Variants in BAIAP2L2 observed in about 807,000 individuals in gnomAD.
BAIAP2L2 encodes the protein BAR/IMD domain-containing adapter protein 2-like 2.
A neutral mutation model predicts 60.4 loss-of-function variants in BAIAP2L2; 65 were observed. That is an observed-to-expected ratio of 1.08 (90% CI 0.88 to 1.32). The LOEUF is 1.32. Ranked by LOEUF, BAIAP2L2 falls within the 40% of genes most tolerant of loss-of-function variation. The pLI is 0.00. For missense variants in BAIAP2L2, 836 were observed against 741.2 expected (o/e 1.13, Z -1.48); for synonymous variants, 344 against 301.7 (o/e 1.14, Z -1.45).
chr22:38,089,873 CG>C (rs1449411388), intron 7 of BAIAP2L2, among the ~76,000 whole-genome samples, 199 bp from the exon 8 acceptor site: 1 of 152,072 alleles, frequency 6.6e-6, no homozygotes, highest in African/African-American at 2.4e-5. Flanking sequence ...CCATTTTCCA[CG>C]AAGAGCTTCC....
chr22:38,107,781 T>G lies in BAIAP2L2; in HGVS notation c.276+71A>C. The stretch of plus-strand genomic sequence containing the variant: ...TCCCTGGGAAGGGCATCTGGTAGGC[T>G]GGGCCCTCTCCTTGGAACATAGCCC... On this transcript the variant is annotated intron_variant, in intron 4 of 13. Transcript: ENST00000381669. 2.1e-6 allele frequency: 3 copies of G among 1,441,648 alleles called. No homozygotes were observed. In the South Asian group the frequency reaches 3.4e-5, roughly 17 times the overall value. 89.3% of individuals were successfully genotyped at this position (1,441,648 alleles called of 1,614,324 possible).
chr22:38,088,991 G>T (rs1217212732), intron 9 of BAIAP2L2, 27 bp from the exon 10 acceptor site: 7 of 1,480,362 alleles, frequency 4.7e-6, no homozygotes, highest in Non-Finnish European at 6.3e-6. Context: ...GCGGCGGCAC[G>T]TGGGCAGGAA....
chr22:38,092,609 A>T (rs132932), intron 7 of BAIAP2L2, among the ~76,000 whole-genome samples: 60,181 of 151,946 alleles, frequency 0.4, 13,505 homozygotes, highest in South Asian at 0.57. Flanking sequence ...ATAGAACAAG[A>T]AGTAAATATA....
intron 11 of BAIAP2L2, 80 bp from the exon 12 acceptor site, chr22:38,086,529 TA>T: frequency 8.9e-7 from 1 of 1,128,160 alleles, no homozygotes; most frequent in Non-Finnish European, 1.2e-6. Context: ...TGGGGCACCT[TA>T]GGCAGGAGGC....
At chr22:38,101,631 A>C (rs1437563742) in intron 4 of BAIAP2L2, among the ~76,000 whole-genome samples, 1 of 149,912 alleles carries the variant, frequency 6.7e-6, no homozygotes, top group African/African-American at 2.5e-5. Context: ...AGGTGTGTGG[A>C]TCACCTGAGG....
chr22:38,101,546 CAAAAAAA>C lies in BAIAP2L2; in HGVS notation c.277-3071_277-3065del, dbSNP rs71195082. Among the ~76,000 whole-genome samples, 26 of 30,918 alleles carry C rather than the reference CAAAAAAA, an allele frequency of 8.4e-4. 2 individuals are homozygous for C. Among genetic ancestry groups the C allele is most frequent in the African/African-American group, 4.1e-3 (25 of 6,136 alleles). The allele number at this position is 30,918 out of a possible 152,430, so 20.3% of individuals were successfully genotyped here. On this transcript the variant is annotated intron_variant, in intron 4 of 13. Transcript: ENST00000381669. ...TGGGTGACACAGTGAGATCCTGTCT[CAAAAAAA>C]AAAAAAAAAAAAAAAAAAGTCCAGG...
At chr22:38,095,703 A>T (rs1371622777) in intron 7 of BAIAP2L2, among the ~76,000 whole-genome samples, 1 of 152,124 alleles carries the variant, frequency 6.6e-6, no homozygotes, top group Non-Finnish European at 1.5e-5. Flanking sequence ...GTCTCATCTT[A>T]TGAATTGGCG....
chr22:38,103,499 C>T (rs544418616), intron 4 of BAIAP2L2, among the ~76,000 whole-genome samples: 20 of 152,262 alleles, frequency 1.3e-4, no homozygotes, highest in Non-Finnish European at 2.2e-4. Flanking sequence ...ATGTCTCACA[C>T]AGCACAAGTA....
intron 4 of BAIAP2L2, among the ~76,000 whole-genome samples, chr22:38,105,484 C>T (rs1260063232): frequency 2.0e-5 from 3 of 151,908 alleles, no homozygotes; most frequent in Non-Finnish European, 4.4e-5. Context: ...GGATTACAGG[C>T]GCCCGCCACC....
intron 4 of BAIAP2L2, among the ~76,000 whole-genome samples, chr22:38,102,929 C>T (rs2086594879): frequency 6.6e-6 from 1 of 151,854 alleles, no homozygotes; most frequent in Non-Finnish European, 1.5e-5. Context: ...GCCTGTGGTC[C>T]CAGCTACTCG....
intron 2 of BAIAP2L2, 115 bp downstream of exon 2, chr22:38,109,018 G>C: frequency 1.1e-6 from 1 of 899,354 alleles, no homozygotes. Flanking sequence ...GTGGGTAGGA[G>C]GGTGTAGGGT....
intron 4 of BAIAP2L2, among the ~76,000 whole-genome samples, chr22:38,099,206 T>C (rs2086513390): frequency 6.6e-6 from 1 of 152,186 alleles, no homozygotes; most frequent in African/African-American, 2.4e-5. Context: ...TTGCCACCCA[T>C]CTCTGGGCCT....
intron 9 of BAIAP2L2, 50 bp downstream of exon 9, chr22:38,089,046 C>A: frequency 7.2e-7 from 1 of 1,397,842 alleles, no homozygotes; most frequent in Non-Finnish European, 9.3e-7. Flanking sequence ...TGCAGCCCCA[C>A]CCCCGCGCCT....
intron 6 of BAIAP2L2, 38 bp downstream of exon 6, chr22:38,098,024 CG>C: frequency 3.2e-5 from 31 of 970,768 alleles, no homozygotes; most frequent in Non-Finnish European, 3.9e-5. Flanking sequence ...TCTGCCCACC[CG>C]CCCTTCCTGG....
At chr22:38,098,249 A>T in intron 5 of BAIAP2L2, 70 bp from the exon 6 acceptor site, 1 of 1,545,828 alleles carries the variant, frequency 6.5e-7, no homozygotes, top group Non-Finnish European at 8.9e-7. Flanking sequence ...CCTCCCAGAG[A>T]TCAGGGCCCT....
chr22:38,103,862 CAAAA>C (rs35813107), intron 4 of BAIAP2L2, among the ~76,000 whole-genome samples: 1 of 109,362 alleles, frequency 9.1e-6, no homozygotes, highest in Non-Finnish European at 1.8e-5. Flanking sequence ...GACTCCATGT[CAAAA>C]AAAAAAAAAA....
At position 38,086,301 on chromosome 22, in the gene BAIAP2L2, G is replaced by T. The variant is rs2086065828; in HGVS notation, c.1408C>A (p.Pro470Thr). ...PSRAPSPAPP[P>T]LPSSRRSSMG... Reference sequence around the variant, plus strand: ...CTGCTGCGGCGGCTGCTGGGCAAGGGTGGAGGTGCAGGGCTGGGGGCACGG... The same window carrying T: ...CTGCTGCGGCGGCTGCTGGGCAAGGTTGGAGGTGCAGGGCTGGGGGCACGG... Residue 470 changes from proline (P) to threonine (T), a missense_variant, in exon 12 of 14, where the codon CCC becomes ACC. Coordinates refer to ENST00000381669, the MANE Select transcript of BAIAP2L2 (RefSeq NM_025045.6). The T allele has an allele frequency of 6.3e-7, 1 of 1,590,106 alleles. No homozygotes were observed. Among genetic ancestry groups the T allele is most frequent in the Non-Finnish European group, 8.6e-7 (1 of 1,164,954 alleles).
rs765856409 is a variant in BAIAP2L2, at chr22:38,097,008, T to C, written c.612+24A>G. 1.1e-5 allele frequency: 18 copies of C among 1,598,682 alleles called. No homozygotes were observed. In the South Asian group the frequency reaches 1.8e-4, roughly 16 times the overall value. ...GGGGCAGCTCCTAGAAGCGCCCCGC[T>C]TGCTGCCCCCCAGTCCAACTCACCC... On this transcript the variant is annotated intron_variant, in intron 7 of 13. Coordinates refer to ENST00000381669, the MANE Select transcript of BAIAP2L2 (RefSeq NM_025045.6).
intron 4 of BAIAP2L2, among the ~76,000 whole-genome samples, chr22:38,106,566 AACTG>A (rs1480198668): frequency 6.7e-6 from 1 of 149,544 alleles, no homozygotes; most frequent in Non-Finnish European, 1.5e-5. Flanking sequence ...CCCCATGCCC[AACTG>A]ACTAGTATTT....
Sources: gnomAD v4.1 joint callset for allele counts (sites outside exome capture counted in the v4.1 genomes callset) on GRCh38, gnomAD v4.1.1 for gene constraint, MANE v1.5 for transcripts, NCBI Gene and HGNC (gene_info 2026-07-23, HGNC 2026-07-21) for gene names.